SHB: variants seen among roughly 807,000 people sequenced by gnomAD.
SHB encodes the protein SH2 domain-containing adapter protein B.
A neutral mutation model predicts 52.3 loss-of-function variants in SHB; 20 were observed. The observed-to-expected ratio is 0.38, with a 90% CI of 0.27 to 0.56. The LOEUF (loss-of-function observed/expected upper bound fraction) is 0.56, where lower values mean the gene tolerates loss of function less well. SHB is among the 20% of genes least tolerant of loss of function. SHB has a pLI of 0.71. For missense variants in SHB, 825 were observed against 723.3 expected (o/e 1.14, Z -1.61); for synonymous variants, 397 against 316.5 (o/e 1.25, Z -2.70).
At chr9:37,986,507 C>A (rs1335015159) in intron 2 of SHB, among the ~76,000 whole-genome samples, 1 of 152,126 alleles carries the variant, frequency 6.6e-6, no homozygotes, top group South Asian at 2.1e-4. Flanking sequence ...TGGGTTTGTG[C>A]TTCACATACA....
intron 1 of SHB, among the ~76,000 whole-genome samples, chr9:38,066,351 G>A (rs183658406): frequency 7.7e-4 from 118 of 152,282 alleles, no homozygotes; most frequent in African/African-American, 2.8e-3. Flanking sequence ...TGACCCTCTC[G>A]TGCCTTTTAT....
At chr9:37,935,878 G>A (rs558158504) in intron 5 of SHB, among the ~76,000 whole-genome samples, 5 of 151,954 alleles carry the variant, frequency 3.3e-5, no homozygotes, top group African/African-American at 1.2e-4. Context: ...CCAGAAATGC[G>A]TTTCCTAACT....
intron 4 of SHB, among the ~76,000 whole-genome samples, chr9:37,949,577 T>C (rs1348112335): frequency 6.6e-6 from 1 of 152,090 alleles, no homozygotes; most frequent in Non-Finnish European, 1.5e-5. Flanking sequence ...TGGAAACAGC[T>C]AGGGGCCAGC....
intron 2 of SHB, among the ~76,000 whole-genome samples, chr9:37,980,857 A>G (rs1820715671): frequency 1.3e-5 from 2 of 152,092 alleles, no homozygotes; most frequent in Non-Finnish European, 2.9e-5. Context: ...GACCAAGAAC[A>G]GTGTCAATCA....
chr9:38,068,293 C>T lies in SHB; in HGVS notation c.353G>A (p.Ser118Asn). 1 of 1,483,536 alleles carries T rather than the reference C, an allele frequency of 6.7e-7. No individual in the cohort carries two copies. The highest frequency in any genetic ancestry group is 8.9e-7 in the Non-Finnish European group (1 of 1,122,310). The allele number at this position is 1,483,536 out of a possible 1,614,324, so 91.9% of individuals were successfully genotyped here. ...GCGCTGGACCCCGCCTGGCTCCCCGCTGCCGCCGCAGTAGTCCAGGCGGCA... is the reference window on the plus strand; with the variant it reads ...GCGCTGGACCCCGCCTGGCTCCCCGTTGCCGCCGCAGTAGTCCAGGCGGCA... ...AMCRLDYCGG[S>N]GEPGGVQRAF... Residue 118 changes from serine (S) to asparagine (N), a missense_variant, in exon 1 of 6, where the codon AGC becomes AAC. Coordinates refer to ENST00000377707, the MANE Select transcript of SHB (RefSeq NM_003028.3).
chr9:37,983,553 G>A (rs571048002), intron 2 of SHB, among the ~76,000 whole-genome samples: 4 of 152,142 alleles, frequency 2.6e-5, no homozygotes, highest in South Asian at 2.1e-4. Context: ...AATGATAGAC[G>A]CTGGCCTGCA....
chr9:37,968,217 T>G (rs917711807), intron 3 of SHB, among the ~76,000 whole-genome samples: 2 of 152,238 alleles, frequency 1.3e-5, no homozygotes, highest in Non-Finnish European at 2.9e-5. Flanking sequence ...CCATGTCTTT[T>G]CATTCAGATC....
At chr9:37,981,958 C>T (rs904603968) in intron 2 of SHB, among the ~76,000 whole-genome samples, 12 of 152,130 alleles carry the variant, frequency 7.9e-5, no homozygotes, top group African/African-American at 2.9e-4. Flanking sequence ...GTCACCGTAA[C>T]AGCTATAATA....
At chr9:37,928,400 G>A (rs2118467289) in intron 5 of SHB, among the ~76,000 whole-genome samples, 1 of 152,308 alleles carries the variant, frequency 6.6e-6, no homozygotes, top group East Asian at 1.9e-4. Context: ...AAGGCTATCT[G>A]AGCCCTTAGG....
intron 1 of SHB, among the ~76,000 whole-genome samples, chr9:38,063,940 A>G (rs1353752598): frequency 6.6e-6 from 1 of 152,074 alleles, no homozygotes; most frequent in Non-Finnish European, 1.5e-5. Context: ...GGGAAAACTG[A>G]TGTCATGATG....
intron 5 of SHB, among the ~76,000 whole-genome samples, chr9:37,921,247 C>A (rs1832176696): frequency 6.6e-6 from 1 of 152,220 alleles, no homozygotes; most frequent in Non-Finnish European, 1.5e-5. Context: ...CGGCCTCCAG[C>A]AGACTCCCCC....
intron 5 of SHB, 50 bp from the exon 6 acceptor site, chr9:37,920,054 T>A (rs1832158579): frequency 2.7e-6 from 4 of 1,476,664 alleles, no homozygotes; most frequent in Non-Finnish European, 2.8e-6. Context: ...ACACTCAGGC[T>A]GAGGCCAAGG....
At chr9:37,932,752 A>G (rs1294529536) in intron 5 of SHB, among the ~76,000 whole-genome samples, 1 of 152,144 alleles carries the variant, frequency 6.6e-6, no homozygotes, top group Non-Finnish European at 1.5e-5. Context: ...GAGCTAGGAC[A>G]ACAGGGGTGT....
At chr9:37,970,559 T>G (rs1210596777) in intron 3 of SHB, among the ~76,000 whole-genome samples, 1 of 152,214 alleles carries the variant, frequency 6.6e-6, no homozygotes, top group Non-Finnish European at 1.5e-5. Context: ...CTTTGAAAGC[T>G]GGAAGGCACT....
At chr9:37,954,075 C>T (rs547094857) in intron 4 of SHB, among the ~76,000 whole-genome samples, 7 of 152,324 alleles carry the variant, frequency 4.6e-5, no homozygotes, top group Admixed American at 4.6e-4. Context: ...GGTCAGGACG[C>T]ACGCCGAACA....
intron 1 of SHB, among the ~76,000 whole-genome samples, chr9:38,029,945 G>A (rs546467619): frequency 6.6e-6 from 1 of 152,328 alleles, no homozygotes; most frequent in Non-Finnish European, 1.5e-5. Flanking sequence ...GTGTACACAA[G>A]CAAGTATGCC....
At chr9:37,978,098 CA>C (rs749292314) in intron 2 of SHB, among the ~76,000 whole-genome samples, 43 of 152,292 alleles carry the variant, frequency 2.8e-4, no homozygotes, top group Non-Finnish European at 3.4e-4. Context: ...AAGTCCCTGA[CA>C]GTAGTGATAA....
At chr9:37,927,421 G>C (rs12000263) in intron 5 of SHB, among the ~76,000 whole-genome samples, 1 of 152,292 alleles carries the variant, frequency 6.6e-6, no homozygotes, top group Admixed American at 6.5e-5. Flanking sequence ...ACTTTCAATA[G>C]ACGCATCAGC....
chr9:38,031,461 G>T (rs147583472), intron 1 of SHB, among the ~76,000 whole-genome samples: 12 of 152,176 alleles, frequency 7.9e-5, no homozygotes, highest in East Asian at 7.7e-4. Context: ...ACCCCTAACC[G>T]TCCATTTTTC....
Sources: gnomAD v4.1 joint callset for allele counts (sites outside exome capture counted in the v4.1 genomes callset) on GRCh38, gnomAD v4.1.1 for gene constraint, MANE v1.5 for transcripts, NCBI Gene and HGNC (gene_info 2026-07-23, HGNC 2026-07-21) for gene names.